RNF130: variants seen among roughly 807,000 people sequenced by gnomAD.
The protein encoded by RNF130 is E3 ubiquitin-protein ligase RNF130.
RNF130 carries 21 observed loss-of-function variants against 44.6 expected under a neutral mutation model. The observed-to-expected ratio is 0.47, with a 90% CI of 0.33 to 0.68. The LOEUF (loss-of-function observed/expected upper bound fraction) is 0.68. RNF130 is among the 30% of genes least tolerant of loss of function. The probability of loss-of-function intolerance (pLI) is 0.02; values close to 1 mark genes in which losing one functional copy is unlikely to be tolerated. For missense variants in RNF130, 479 were observed against 560.6 expected (o/e 0.85, Z 1.47); for synonymous variants, 214 against 210.4 (o/e 1.02, Z -0.15).
chr5:180,004,918 C>T (rs545189562), intron 3 of RNF130, among the ~76,000 whole-genome samples: 1 of 152,210 alleles, frequency 6.6e-6, no homozygotes, highest in African/African-American at 2.4e-5. Flanking sequence ...ATTCATTCAC[C>T]ACCATTTTTT....
intron 2 of RNF130, among the ~76,000 whole-genome samples, chr5:180,037,356 C>T (rs955098643): frequency 6.6e-6 from 1 of 152,150 alleles, no homozygotes; most frequent in Non-Finnish European, 1.5e-5. Context: ...GAAGGGCAAA[C>T]AGCAGTTGTG....
chr5:179,933,885 T>C, intron 7 of RNF130: 1 of 704,668 alleles, frequency 1.4e-6, no homozygotes, highest in Non-Finnish European at 2.5e-6. Context: ...GCTGAGGTTG[T>C]TAGTAAAATG....
At chr5:179,966,724 G>T (rs1040533708) in intron 7 of RNF130, 82 bp downstream of exon 7, 1 of 1,224,832 alleles carries the variant, frequency 8.2e-7, no homozygotes, top group East Asian at 2.5e-5. Flanking sequence ...AGGCTGAGGC[G>T]AGTGCCTTGA....
intron 1 of RNF130, among the ~76,000 whole-genome samples, chr5:180,051,239 T>TATTTATTTATTC (rs1561707953): frequency 9.2e-5 from 1 of 10,886 alleles, no homozygotes; most frequent in Admixed American, 9.6e-4. Flanking sequence ...ATAGATATTA[T>TATTTATTTATTC]ATTTATTTAT....
chr5:180,018,436 G>A (rs1763793401), intron 2 of RNF130, among the ~76,000 whole-genome samples: 1 of 152,166 alleles, frequency 6.6e-6, no homozygotes, highest in African/African-American at 2.4e-5. Context: ...GAGAACGAGT[G>A]CAAGTTGGGG....
intron 2 of RNF130, among the ~76,000 whole-genome samples, chr5:180,029,608 T>C (rs1764075838): frequency 6.6e-6 from 1 of 152,226 alleles, no homozygotes; most frequent in African/African-American, 2.4e-5. Context: ...GCAGAATTTT[T>C]TTAAACAAAT....
chr5:179,926,080 G>T (rs1368382566), intron 7 of RNF130, among the ~76,000 whole-genome samples: 2 of 152,146 alleles, frequency 1.3e-5, no homozygotes, highest in East Asian at 3.9e-4. Context: ...TGTGTGGGGT[G>T]GGAGAAAGGC....
At chr5:180,012,159 G>A (rs1763608770) in intron 3 of RNF130, among the ~76,000 whole-genome samples, 1 of 152,176 alleles carries the variant, frequency 6.6e-6, no homozygotes, top group Non-Finnish European at 1.5e-5. Flanking sequence ...TGGTGCAGGA[G>A]GGATGTGAGC....
chr5:179,945,388 C>G (rs1465475422), intron 7 of RNF130, among the ~76,000 whole-genome samples: 1 of 152,150 alleles, frequency 6.6e-6, no homozygotes, highest in Non-Finnish European at 1.5e-5. Context: ...CTGAGCAAGG[C>G]GTTCCTATCA....
At chr5:179,958,156 C>T (rs530105001) in intron 8 of RNF130, among the ~76,000 whole-genome samples, 41 of 152,300 alleles carry the variant, frequency 2.7e-4, no homozygotes, top group Admixed American at 8.5e-4. Context: ...GGATTATAGG[C>T]GTGAGCCACC....
At chr5:179,945,069 G>A (rs1349966041) in intron 7 of RNF130, among the ~76,000 whole-genome samples, 7 of 152,206 alleles carry the variant, frequency 4.6e-5, no homozygotes, top group Admixed American at 4.6e-4. Flanking sequence ...TTGAGGCCAG[G>A]AGTTCAAGAC....
At chr5:179,975,843 C>T (rs1187978034) in intron 5 of RNF130, among the ~76,000 whole-genome samples, 3 of 152,162 alleles carry the variant, frequency 2.0e-5, no homozygotes, top group Non-Finnish European at 4.4e-5. Flanking sequence ...TCTATGGTGG[C>T]AGGTGCAGCG....
chr5:179,957,031 A>G (rs1354847695), intron 8 of RNF130, among the ~76,000 whole-genome samples: 1 of 152,234 alleles, frequency 6.6e-6, no homozygotes, highest in Non-Finnish European at 1.5e-5. Context: ...ACATTTTCTA[A>G]TATTTCCTCA....
chr5:179,962,937 C>T (rs895668188), intron 8 of RNF130, among the ~76,000 whole-genome samples: 13 of 152,228 alleles, frequency 8.5e-5, no homozygotes, highest in African/African-American at 1.9e-4. Flanking sequence ...ATGGAGATAG[C>T]GCTTAGACTT....
intron 7 of RNF130, among the ~76,000 whole-genome samples, chr5:179,946,553 G>A (rs1373498360): frequency 6.7e-6 from 1 of 148,390 alleles, no homozygotes; most frequent in Non-Finnish European, 1.5e-5. Flanking sequence ...ACCCACCGGG[G>A]ATTTTTTTTT....
At chr5:179,949,393 G>A (rs961368501) in intron 7 of RNF130, among the ~76,000 whole-genome samples, 1 of 151,576 alleles carries the variant, frequency 6.6e-6, no homozygotes, top group African/African-American at 2.4e-5. Context: ...TGAGTAGCTA[G>A]GGCTTATAAG....
intron 3 of RNF130, among the ~76,000 whole-genome samples, chr5:180,000,054 T>C (rs1763298955): frequency 6.6e-6 from 1 of 152,228 alleles, no homozygotes; most frequent in South Asian, 2.1e-4. Flanking sequence ...CCTGCATGTT[T>C]TCCTGGTAGT....
At chr5:179,947,689 C>T (rs1762062532) in intron 7 of RNF130, among the ~76,000 whole-genome samples, 1 of 152,138 alleles carries the variant, frequency 6.6e-6, no homozygotes, top group African/African-American at 2.4e-5. Context: ...CAAAGAGGAC[C>T]TAGCATGCAG....
rs1344250804 is a variant in RNF130 at position 180,040,484 on chromosome 5, G to A, written c.411C>T (p.Ser137=). ...AVAVVIYNNK[S]KEEPVTMTHP... The stretch of plus-strand genomic sequence containing the variant: ...GAGTCATGGTAACTGGCTCCTCTTT[G>A]GATTTATTATTGTAGATGACTACAG... Residue 137 remains serine, a synonymous_variant, in exon 2 of 9, where the codon TCC becomes TCT. Transcript: ENST00000521389. The A allele has an allele frequency of 4.3e-6, 7 of 1,613,286 alleles. No homozygotes were observed. The highest frequency in any genetic ancestry group is 5.9e-6 in the Non-Finnish European group (7 of 1,179,692).
Sources: gnomAD v4.1 joint callset for allele counts (sites outside exome capture counted in the v4.1 genomes callset) on GRCh38, gnomAD v4.1.1 for gene constraint, MANE v1.5 for transcripts, NCBI Gene and HGNC (gene_info 2026-07-23, HGNC 2026-07-21) for gene names.